Variants in QKI observed in about 807,000 individuals in gnomAD.
The protein encoded by QKI is KH domain-containing RNA-binding protein QKI.
A neutral mutation model predicts 39.0 loss-of-function variants in QKI; 10 were observed. That is an observed-to-expected ratio of 0.26 (90% CI 0.16 to 0.43). The LOEUF is 0.43. Among genes scored for constraint, QKI ranks in the 20% least tolerant of loss-of-function variants. QKI has a pLI of 1.00. For missense variants in QKI, 218 were observed against 428.0 expected, an observed-to-expected ratio of 0.51 and a Z score of 4.33; for synonymous variants, 204 against 155.4, an observed-to-expected ratio of 1.31 and a Z score of -2.33.
chr6:163,516,906 G>T (rs917657016), intron 3 of QKI, among the ~76,000 whole-genome samples: 1 of 151,958 alleles, frequency 6.6e-6, no homozygotes, highest in Admixed American at 6.6e-5. Flanking sequence ...AGCCTCTTGG[G>T]TTCATGCCAT....
chr6:163,545,891 CCTTTTA>C (rs1210281718), intron 4 of QKI, among the ~76,000 whole-genome samples: 6 of 151,372 alleles, frequency 4.0e-5, no homozygotes, highest in South Asian at 4.2e-4. Context: ...TAAAGGAAGT[CCTTTTA>C]CTTTAACTTT....
At chr6:163,492,838 A>C (rs1305767282) in intron 3 of QKI, among the ~76,000 whole-genome samples, 1 of 152,192 alleles carries the variant, frequency 6.6e-6, no homozygotes, top group Non-Finnish European at 1.5e-5. Context: ...TTACAACAGC[A>C]CATTGTTTAG....
intron 3 of QKI, among the ~76,000 whole-genome samples, chr6:163,492,898 G>T (rs1450185555): frequency 6.6e-6 from 1 of 152,082 alleles, no homozygotes; most frequent in African/African-American, 2.4e-5. Flanking sequence ...GTCAAAAGAA[G>T]TGAAAGCAAA....
At chr6:163,549,831 TAAAG>T (rs748735513) in intron 4 of QKI, among the ~76,000 whole-genome samples, 21 of 152,346 alleles carry the variant, frequency 1.4e-4, no homozygotes, top group Admixed American at 1.1e-3. Flanking sequence ...CTCTACCTCT[TAAAG>T]AAAAAATTAC....
intron 7 of QKI, chr6:163,567,427 G>A: frequency 2.0e-6 from 2 of 985,498 alleles, no homozygotes; most frequent in Non-Finnish European, 2.4e-6. Context: ...TTGCCAAAAT[G>A]GATCCTTTGA....
Position 163,570,446 on chromosome 6 carries a change from T to TG in QKI, c.1010-248_1010-247insG, listed in dbSNP as rs1346343242. On this transcript the variant is annotated intron_variant, in intron 7 of 7. Coordinates refer to ENST00000361752, the MANE Select transcript of QKI (RefSeq NM_006775.3). Reference sequence around the variant, plus strand: ...TTTCTATTTTTTCTTGTTAACCAGTTTTTTTTTTTTTTTTGTGGGAGTGGG... The same window carrying TG: ...TTTCTATTTTTTCTTGTTAACCAGTTGTTTTTTTTTTTTTTGTGGGAGTGGG... 736 of 304,122 alleles carry TG rather than the reference T, an allele frequency of 2.4e-3. 3 individuals carry two copies. The highest frequency in any genetic ancestry group is 0.018 in the African/African-American group (709 of 39,990). 18.8% of individuals were successfully genotyped at this position (304,122 alleles called of 1,614,324 possible). A position where few individuals can be genotyped will look rare whatever the true frequency, so the allele number is the denominator to read the frequency against.
chr6:163,563,746 C>A, intron 6 of QKI, 27 bp downstream of exon 6: 2 of 1,580,324 alleles, frequency 1.3e-6, no homozygotes, highest in Non-Finnish European at 1.7e-6. Context: ...ATGGGGTTAA[C>A]AACATTCTCT....
At chr6:163,564,168 TTG>T (rs1783207880) in intron 6 of QKI, 1 of 1,021,060 alleles carries the variant, frequency 9.8e-7, no homozygotes, top group African/African-American at 1.7e-5. Flanking sequence ...ATTCATATTA[TTG>T]TGTGTGTTTT....
chr6:163,533,794 CT>C (rs1174822270), intron 3 of QKI, among the ~76,000 whole-genome samples: 1 of 151,862 alleles, frequency 6.6e-6, no homozygotes. Context: ...TTTTTTTTCC[CT>C]GTATCCCCTT....
At chr6:163,437,717 GT>G (rs1037284527) in intron 1 of QKI, among the ~76,000 whole-genome samples, 10 of 152,058 alleles carry the variant, frequency 6.6e-5, no homozygotes, top group African/African-American at 2.4e-4. Flanking sequence ...CTATTTTAGG[GT>G]TTGAGTTATA....
rs532554431 is a variant in QKI, at chr6:163,415,025, GCGCGGTGCCGGCCGC to G, written c.-167_-153del. The stretch of plus-strand genomic sequence containing the variant: ...AAGTGCCTGCGGGGGGCGGGCGAGC[GCGCGGTGCCGGCCGC>G]CCCGGGGCTCGGCGCGGGAGCCAGA... On this transcript the variant is annotated 5_prime_UTR_variant, in exon 1 of 8. Coordinates refer to ENST00000361752, the MANE Select transcript of QKI (RefSeq NM_006775.3). The G allele has an allele frequency of 7.0e-3, 4,192 of 600,974 alleles. 136 individuals are homozygous for G. In the African/African-American group the frequency reaches 0.079, roughly 11 times the overall value. 37.2% of individuals were successfully genotyped at this position (600,974 alleles called of 1,614,324 possible). A position where few individuals can be genotyped will look rare whatever the true frequency, so the allele number is the denominator to read the frequency against.
chr6:163,481,241 A>G (rs189428341), intron 3 of QKI, among the ~76,000 whole-genome samples: 57 of 151,956 alleles, frequency 3.8e-4, no homozygotes, highest in East Asian at 3.5e-3. Context: ...ACATGTGTGT[A>G]TATATATATA....
intron 4 of QKI, among the ~76,000 whole-genome samples, chr6:163,538,746 G>C (rs996436362): frequency 6.6e-6 from 1 of 152,196 alleles, no homozygotes; most frequent in Non-Finnish European, 1.5e-5. Context: ...AGAGATTAAA[G>C]TGATTTGGAG....
intron 3 of QKI, among the ~76,000 whole-genome samples, chr6:163,526,407 TA>T (rs1247719809): frequency 6.6e-6 from 1 of 152,210 alleles, no homozygotes; most frequent in Non-Finnish European, 1.5e-5. Context: ...GAATAACACC[TA>T]ATGTACAAAA....
intron 3 of QKI, among the ~76,000 whole-genome samples, chr6:163,486,033 G>A (rs537897604): frequency 6.6e-6 from 1 of 152,340 alleles, no homozygotes; most frequent in African/African-American, 2.4e-5. Context: ...CCTATGGACC[G>A]GGGGTTGGAC....
chr6:163,415,145 G>GGC lies in QKI; in HGVS notation c.-47_-46dup. On this transcript the variant is annotated 5_prime_UTR_variant, in exon 1 of 8. Coordinates refer to ENST00000361752, the MANE Select transcript of QKI (RefSeq NM_006775.3). ...TCGCCCCCGCCCCTCCCTCCTCTCCGGCGGCGGCGGCGGCGGCGGCGGGCG... is the reference window on the plus strand; with the variant it reads ...TCGCCCCCGCCCCTCCCTCCTCTCCGGCGCGGCGGCGGCGGCGGCGGCGGGCG... 2.2e-6 allele frequency: 2 copies of GGC among 922,188 alleles called. No individual in the cohort carries two copies. The highest frequency in any genetic ancestry group is 5.3e-5 in the South Asian group (2 of 37,740). The allele number at this position is 922,188 out of a possible 1,614,324, so 57.1% of individuals were successfully genotyped here.
chr6:163,508,608 C>T (rs955374389), intron 3 of QKI, among the ~76,000 whole-genome samples: 2 of 150,836 alleles, frequency 1.3e-5, no homozygotes, highest in African/African-American at 4.9e-5. Flanking sequence ...TGGCTTACTG[C>T]AAGCTCCACC....
At chr6:163,469,745 T>C (rs1370025353) in intron 2 of QKI, among the ~76,000 whole-genome samples, 1 of 152,188 alleles carries the variant, frequency 6.6e-6, no homozygotes, top group African/African-American at 2.4e-5. Flanking sequence ...TTTAATGTAA[T>C]CTGTGACTTA....
intron 4 of QKI, among the ~76,000 whole-genome samples, chr6:163,542,802 C>G (rs1188364607): frequency 2.6e-5 from 4 of 151,852 alleles, no homozygotes; most frequent in Non-Finnish European, 5.9e-5. Flanking sequence ...ACATGGAGGT[C>G]AGTACTATAA....
Sources: gnomAD v4.1 joint callset for allele counts (sites outside exome capture counted in the v4.1 genomes callset) on GRCh38, gnomAD v4.1.1 for gene constraint, MANE v1.5 for transcripts, NCBI Gene and HGNC (gene_info 2026-07-23, HGNC 2026-07-21) for gene names.